Variants in MAML3 observed in about 807,000 individuals in gnomAD.
MAML3 encodes the protein mastermind like transcriptional coactivator 3, also known as mastermind-like protein 3.
In MAML3, 27 loss-of-function variants were observed where a neutral mutation model predicts 101.9. The observed-to-expected ratio is 0.27, with a 90% CI of 0.20 to 0.37. The LOEUF is 0.37. Among genes scored for constraint, MAML3 ranks in the 10% least tolerant of loss-of-function variants. The pLI is 1.00. For missense variants in MAML3, 1,316 were observed against 1,444.9 expected (o/e 0.91, Z 1.45); for synonymous variants, 501 against 555.9 (o/e 0.90, Z 1.39).
At chr4:139,739,679 GT>G (rs1553952725) in intron 2 of MAML3, among the ~76,000 whole-genome samples, 2,632 of 132,334 alleles carry the variant, frequency 0.02, 72 homozygotes, top group African/African-American at 0.064. Flanking sequence ...GAGGAAAGCA[GT>G]TTTTTTTTTT....
rs58455997 is a variant in MAML3 at position 140,091,548 on chromosome 4, CA to C, written c.468+61311del. On this transcript the variant is annotated intron_variant, in intron 1 of 4. Transcript: ENST00000509479. ...ACAAAACAACAAAACAAAAACAAAACAAAAAAAAAAAACAGGACCAAGGACC... is the reference window on the plus strand; with the variant it reads ...ACAAAACAACAAAACAAAAACAAAACAAAAAAAAAAACAGGACCAAGGACC... 1.9e-4 allele frequency among the ~76,000 whole-genome samples: 23 copies of C among 121,100 alleles called. 1 individual carries two copies. The highest frequency in any genetic ancestry group is 5.3e-4 in the African/African-American group (17 of 32,036). The allele number at this position is 121,100 out of a possible 152,430, so 79.4% of individuals were successfully genotyped here. A position where few individuals can be genotyped will look rare whatever the true frequency, so the allele number is the denominator to read the frequency against.
At chr4:140,139,376 C>G (rs1728946316) in intron 1 of MAML3, among the ~76,000 whole-genome samples, 2 of 151,904 alleles carry the variant, frequency 1.3e-5, no homozygotes, top group Non-Finnish European at 2.9e-5. Flanking sequence ...GTCTGAAACA[C>G]TCACTTTTTG....
At chr4:139,739,336 A>G (rs1223928559) in intron 2 of MAML3, among the ~76,000 whole-genome samples, 1 of 152,232 alleles carries the variant, frequency 6.6e-6, no homozygotes, top group Non-Finnish European at 1.5e-5. Context: ...TTGCAGGGAT[A>G]AAAGCAACAA....
At chr4:140,078,016 C>CAAATAAAT (rs143494851) in intron 1 of MAML3, among the ~76,000 whole-genome samples, 6 of 6,250 alleles carry the variant, frequency 9.6e-4, no homozygotes, top group African/African-American at 1.1e-3. Context: ...GACTCCGTCT[C>CAAATAAAT]AAATAAATAA....
intron 1 of MAML3, among the ~76,000 whole-genome samples, chr4:140,001,688 T>C (rs1190576578): frequency 6.6e-6 from 1 of 152,246 alleles, no homozygotes; most frequent in Non-Finnish European, 1.5e-5. Context: ...GATGATTCTA[T>C]AAAAACTGTG....
rs1578644608 is a variant in MAML3, at chr4:139,880,989, G to GGGAC, written c.2079+8367_2079+8368insGTCC. Among the ~76,000 whole-genome samples, 4 of 152,290 alleles carry GGGAC rather than the reference G, an allele frequency of 2.6e-5. No individual in the cohort carries two copies. In the East Asian group the frequency reaches 7.7e-4, roughly 29 times the overall value. On this transcript the variant is annotated intron_variant, in intron 2 of 4. Transcript: ENST00000509479. The stretch of plus-strand genomic sequence containing the variant: ...TGGGAGATGAAAATCAGCTGGCTGA[G>GGGAC]TGGTAAACGACTTAGCAGCTTAGAG...
chr4:139,894,710 A>G (rs888443985), intron 1 of MAML3, among the ~76,000 whole-genome samples: 1 of 125,196 alleles, frequency 8.0e-6, no homozygotes, highest in Non-Finnish European at 1.9e-5. Flanking sequence ...TAACGGGAAC[A>G]TGTTAGAATT....
chr4:140,097,947 C>T (rs934600764), intron 1 of MAML3, among the ~76,000 whole-genome samples: 1 of 152,204 alleles, frequency 6.6e-6, no homozygotes, highest in Admixed American at 6.5e-5. Flanking sequence ...TATTAAGAAA[C>T]CTGTCTTGAA....
At chr4:140,081,371 G>A (rs975654897) in intron 1 of MAML3, among the ~76,000 whole-genome samples, 1 of 152,086 alleles carries the variant, frequency 6.6e-6, no homozygotes, top group South Asian at 2.1e-4. Context: ...TTATCACTGA[G>A]AAGAAAAATA....
intron 2 of MAML3, among the ~76,000 whole-genome samples, chr4:139,732,538 A>G (rs1579372128): frequency 6.6e-6 from 1 of 152,144 alleles, no homozygotes; most frequent in African/African-American, 2.4e-5. Flanking sequence ...CACACAATCA[A>G]TGAATGGAAG....
chr4:139,880,730 A>C (rs1010080202), intron 2 of MAML3, among the ~76,000 whole-genome samples: 2 of 152,198 alleles, frequency 1.3e-5, no homozygotes, highest in Non-Finnish European at 2.9e-5. Flanking sequence ...GTTAGAAACA[A>C]TAATGTGAAT....
chr4:140,136,037 T>G (rs1728877415), intron 1 of MAML3, among the ~76,000 whole-genome samples: 1 of 152,180 alleles, frequency 6.6e-6, no homozygotes, highest in South Asian at 2.1e-4. Flanking sequence ...GAGCAACTCC[T>G]GGGTGTGGAC....
At chr4:139,788,233 C>T (rs1360842732) in intron 2 of MAML3, among the ~76,000 whole-genome samples, 7 of 152,182 alleles carry the variant, frequency 4.6e-5, no homozygotes, top group Non-Finnish European at 1.0e-4. Flanking sequence ...GTACAGGCAC[C>T]TTCTATCCTG....
intron 2 of MAML3, among the ~76,000 whole-genome samples, chr4:139,764,478 A>C (rs528719152): frequency 2.6e-5 from 4 of 152,184 alleles, no homozygotes; most frequent in African/African-American, 9.7e-5. Flanking sequence ...CTGAACTTTC[A>C]TTCTGTGACC....
intron 1 of MAML3, among the ~76,000 whole-genome samples, chr4:139,904,199 A>G (rs1328107761): frequency 6.6e-6 from 1 of 152,252 alleles, no homozygotes; most frequent in Non-Finnish European, 1.5e-5. Context: ...TTATGAGGGA[A>G]TAAATTGCTC....
intron 1 of MAML3, among the ~76,000 whole-genome samples, chr4:140,054,558 TGTTTTCACAC>T (rs756095300): frequency 3.3e-5 from 5 of 152,208 alleles, no homozygotes; most frequent in Non-Finnish European, 7.3e-5. Flanking sequence ...GCACCTCTCC[TGTTTTCACAC>T]GTTTGTTGCC....
At chr4:139,989,287 G>A (rs930217751) in intron 1 of MAML3, among the ~76,000 whole-genome samples, 1 of 152,100 alleles carries the variant, frequency 6.6e-6, no homozygotes, top group African/African-American at 2.4e-5. Context: ...CCTTACTTAT[G>A]CTACAAGGGC....
chr4:139,719,660 C>T lies in MAML3; in HGVS notation c.3080G>A (p.Gly1027Asp). ...TVRTLNPAAM[G>D]RQMMPSLPGQ... ...CGGGAGCGATGGCATCATCTGCCGACCCATGGCAGCTGGGTTGAGGGTCCT... is the reference window on the plus strand; with the variant it reads ...CGGGAGCGATGGCATCATCTGCCGATCCATGGCAGCTGGGTTGAGGGTCCT... The change falls in exon 5 of 5, where the codon GGT (glycine) becomes GAT (aspartate). Residue 1027 changes from glycine (G) to aspartate (D), a missense_variant. Physicochemically the swap from Gly to Asp is moderately conservative, Grantham distance 94 (BLOSUM62 -1). Transcript: ENST00000509479. The T allele has an allele frequency of 6.2e-7, 1 of 1,613,080 alleles. No individual in the cohort carries two copies. The highest frequency in any genetic ancestry group is 1.1e-5 in the South Asian group (1 of 90,896).
chr4:139,721,276 T>C (rs1196013846), intron 4 of MAML3, among the ~76,000 whole-genome samples: 1 of 152,152 alleles, frequency 6.6e-6, no homozygotes, highest in Non-Finnish European at 1.5e-5. Context: ...CCAGGAAATT[T>C]CCAAACAGCC....
Sources: allele counts gnomAD v4.1 joint callset (sites outside exome capture counted in the v4.1 genomes callset), GRCh38; gene constraint gnomAD v4.1.1; transcripts MANE v1.5; gene names NCBI Gene and HGNC (gene_info 2026-07-23, HGNC 2026-07-21).